Variants in LINGO2 observed in about 807,000 individuals in gnomAD.
LINGO2 encodes leucine rich repeat and Ig domain containing 2.
A neutral mutation model predicts 30.6 loss-of-function variants in LINGO2; 14 were observed. The ratio of observed to expected loss-of-function variants is 0.46; its 90% CI spans 0.30 to 0.72. LINGO2 has a LOEUF of 0.72. Among genes scored for constraint, LINGO2 ranks in the 30% least tolerant of loss-of-function variants. The pLI is 0.07. For synonymous variants in LINGO2, 317 were observed against 288.5 expected (o/e 1.10, Z -1.00); for missense variants, 729 against 751.7 (o/e 0.97, Z 0.35).
the LINGO2 span, among the ~76,000 whole-genome samples, chr9:29,023,258 A>G: frequency 6.6e-6 from 1 of 152,140 alleles, no homozygotes; most frequent in African/African-American, 2.4e-5. Flanking sequence ...ATTTTCCAAA[A>G]TGAGTTTTTG....
intron 4 of LINGO2, among the ~76,000 whole-genome samples, chr9:28,223,862 G>A (rs911995100): frequency 1.3e-5 from 2 of 152,170 alleles, no homozygotes; most frequent in South Asian, 2.1e-4. Flanking sequence ...AAATATGGAA[G>A]TCAAGAGTAT....
At position 28,097,191 on chromosome 9, in the gene LINGO2, G is replaced by T. The variant is rs192439737; in HGVS notation, c.-86-84786C>A. Reference sequence around the variant, plus strand: ...AGTAAAAAGTCAGGAAACAACAGGTGCTGGAGGGGATGTGGAGAAATAGGA... The same window carrying T: ...AGTAAAAAGTCAGGAAACAACAGGTTCTGGAGGGGATGTGGAGAAATAGGA... On this transcript the variant is annotated intron_variant, in intron 4 of 5. Transcript: ENST00000379992. Among the ~76,000 whole-genome samples, 8 of 152,256 alleles carry T rather than the reference G, an allele frequency of 5.3e-5. No individual in the cohort carries two copies. In the East Asian group the frequency reaches 1.2e-3, roughly 22 times the overall value.
chr9:28,300,286 C>T (rs1824091422), intron 3 of LINGO2, among the ~76,000 whole-genome samples: 1 of 152,104 alleles, frequency 6.6e-6, no homozygotes, highest in Non-Finnish European at 1.5e-5. Flanking sequence ...TGCAAATAAT[C>T]TTGCAAAATA....
the LINGO2 span, among the ~76,000 whole-genome samples, chr9:29,189,705 A>G: frequency 6.6e-6 from 1 of 152,018 alleles, no homozygotes; most frequent in African/African-American, 2.4e-5. Flanking sequence ...ACGCCACTGC[A>G]CTCCAGCCTG....
chr9:28,810,415 T>C, the LINGO2 span, among the ~76,000 whole-genome samples: 3 of 152,170 alleles, frequency 2.0e-5, no homozygotes, highest in Non-Finnish European at 2.9e-5. Flanking sequence ...AACGAAGTTA[T>C]AAAATGATTC....
chr9:28,047,981 T>G (rs753716187), intron 4 of LINGO2, among the ~76,000 whole-genome samples: 6 of 150,116 alleles, frequency 4.0e-5, no homozygotes, highest in Non-Finnish European at 7.4e-5. Context: ...ATATGAAAAG[T>G]GTGACTGTAA....
At chr9:28,034,327 G>C (rs992951839) in intron 4 of LINGO2, among the ~76,000 whole-genome samples, 2 of 152,186 alleles carry the variant, frequency 1.3e-5, no homozygotes, top group Non-Finnish European at 2.9e-5. Context: ...ATTCTGCTTT[G>C]TGATCTTGTT....
the LINGO2 span, among the ~76,000 whole-genome samples, chr9:28,887,229 A>G: frequency 6.1e-4 from 93 of 152,252 alleles, no homozygotes; most frequent in African/African-American, 2.1e-3. Flanking sequence ...ATGCTGACAT[A>G]TAAGTTCCAT....
At chr9:28,330,859 G>T (rs1825393811) in intron 3 of LINGO2, among the ~76,000 whole-genome samples, 1 of 152,068 alleles carries the variant, frequency 6.6e-6, no homozygotes, top group South Asian at 2.1e-4. Flanking sequence ...AATAATTTAG[G>T]TAGGTTTTAA....
intron 4 of LINGO2, among the ~76,000 whole-genome samples, chr9:28,246,510 C>T (rs1228927342): frequency 2.0e-5 from 3 of 152,040 alleles, no homozygotes; most frequent in Admixed American, 6.5e-5. Context: ...GGAAAGTATT[C>T]CCTATTTAAT....
At chr9:28,558,385 T>C (rs1260464132) in intron 1 of LINGO2, among the ~76,000 whole-genome samples, 1 of 151,906 alleles carries the variant, frequency 6.6e-6, no homozygotes, top group African/African-American at 2.4e-5. Flanking sequence ...TCAGGCAGGG[T>C]GAAGTGTTTC....
chr9:28,280,799 G>A (rs973573290), intron 4 of LINGO2, among the ~76,000 whole-genome samples: 4 of 152,108 alleles, frequency 2.6e-5, no homozygotes, highest in African/African-American at 4.8e-5. Flanking sequence ...GGCAAGCTTC[G>A]TAAGTGCAAT....
At chr9:28,797,321 CATATATACATATATAT>C in the LINGO2 span, among the ~76,000 whole-genome samples, 1 of 78,538 alleles carries the variant, frequency 1.3e-5, no homozygotes, top group Admixed American at 1.8e-4. Flanking sequence ...TATGTGATAT[CATATATACATATATAT>C]ATATATATAT....
At chr9:28,612,260 G>A (rs1825951784) in intron 1 of LINGO2, among the ~76,000 whole-genome samples, 1 of 152,062 alleles carries the variant, frequency 6.6e-6, no homozygotes, top group African/African-American at 2.4e-5. Flanking sequence ...ATGAGTTCTT[G>A]CTATATTGTG....
At chr9:28,840,645 T>C in the LINGO2 span, among the ~76,000 whole-genome samples, 2 of 151,876 alleles carry the variant, frequency 1.3e-5, no homozygotes, top group Non-Finnish European at 2.9e-5. Context: ...AAAATAATCA[T>C]TGACACTGAG....
rs757957924 is a variant in LINGO2, at chr9:28,199,344, C to CT, written c.-87+95863dup. Among the ~76,000 whole-genome samples the CT allele has an allele frequency of 3.8e-3, 447 of 117,638 alleles. 12 individuals carry two copies. The South Asian group carries it at 0.039, about 10-fold the overall frequency. The allele number at this position is 117,638 out of a possible 152,430, so 77.2% of individuals were successfully genotyped here. On this transcript the variant is annotated intron_variant, in intron 4 of 5. Transcript: ENST00000379992. ...CTATCTTCTTCTTCTTCTTCTTCTTCTTTTTTTTTTTTTGAGACGGAGTCT... is the reference window on the plus strand; with the variant it reads ...CTATCTTCTTCTTCTTCTTCTTCTTCTTTTTTTTTTTTTTGAGACGGAGTCT...
At chr9:28,990,035 G>C in the LINGO2 span, among the ~76,000 whole-genome samples, 4 of 152,204 alleles carry the variant, frequency 2.6e-5, no homozygotes, top group Admixed American at 6.5e-5. Context: ...GCACCAGACA[G>C]TGGGCGCAGG....
intron 4 of LINGO2, among the ~76,000 whole-genome samples, chr9:28,220,477 T>C (rs1242906695): frequency 6.6e-6 from 1 of 152,114 alleles, no homozygotes; most frequent in East Asian, 1.9e-4. Flanking sequence ...AAGAATAAAA[T>C]GCTGCTATGG....
chr9:28,235,013 G>C (rs1469092625), intron 4 of LINGO2, among the ~76,000 whole-genome samples: 1 of 152,116 alleles, frequency 6.6e-6, no homozygotes, highest in African/African-American at 2.4e-5. Flanking sequence ...AGCATCTCTG[G>C]ACATGCCTGG....
Sources: allele counts gnomAD v4.1 joint callset (sites outside exome capture counted in the v4.1 genomes callset), GRCh38; gene constraint gnomAD v4.1.1; transcripts MANE v1.5; gene names NCBI Gene and HGNC (gene_info 2026-07-23, HGNC 2026-07-21).